SNX10: variants seen among roughly 807,000 people sequenced by gnomAD.
SNX10 encodes sorting nexin-10.
A neutral mutation model predicts 28.5 loss-of-function variants in SNX10; 25 were observed. The observed-to-expected ratio is 0.88, with a 90% CI of 0.64 to 1.22. The LOEUF (loss-of-function observed/expected upper bound fraction) is 1.22. Among genes scored for constraint, SNX10 ranks in the 50% most tolerant of loss-of-function variants. The probability of loss-of-function intolerance (pLI) is 0.00; values close to 1 mark genes in which losing one functional copy is unlikely to be tolerated. For synonymous variants in SNX10, 62 were observed against 81.4 expected (o/e 0.76, Z 1.28); for missense variants, 223 against 242.6 (o/e 0.92, Z 0.54).
chr7:26,356,294 T>C (rs973018535), intron 2 of SNX10, among the ~76,000 whole-genome samples: 1 of 152,198 alleles, frequency 6.6e-6, no homozygotes, highest in Non-Finnish European at 1.5e-5. Flanking sequence ...ATACTACATA[T>C]AGTCATTAGG....
At position 26,319,416 on chromosome 7, in the gene SNX10, C is replaced by T. The variant is rs561963499; in HGVS notation, c.-23-27004C>T. ...TTTTCAGGTCAACTACTGTTTGTTG[C>T]CTTAAATCTATCTGGGAGCTGCTTC... On this transcript the variant is annotated intron_variant, in intron 1 of 6. Coordinates refer to ENST00000338523, the MANE Select transcript of SNX10 (RefSeq NM_013322.3). Among the ~76,000 whole-genome samples the T allele has an allele frequency of 3.3e-5, 5 of 152,254 alleles. No homozygotes were observed. The South Asian group carries it at 1.0e-3, about 32-fold the overall frequency.
At chr7:26,342,083 G>A (rs1341104756) in intron 1 of SNX10, among the ~76,000 whole-genome samples, 2 of 142,356 alleles carry the variant, frequency 1.4e-5, no homozygotes, top group East Asian at 4.2e-4. Context: ...CTGGAGTGCA[G>A]TGGCACGATC....
chr7:26,355,727 T>C (rs2128018192), intron 2 of SNX10, among the ~76,000 whole-genome samples: 1 of 152,276 alleles, frequency 6.6e-6, no homozygotes. Flanking sequence ...TCCAAAACAA[T>C]ACAATTACAG....
chr7:26,335,935 G>T (rs953622939), intron 1 of SNX10, among the ~76,000 whole-genome samples: 48 of 151,458 alleles, frequency 3.2e-4, no homozygotes, highest in African/African-American at 1.1e-3. Flanking sequence ...AGTAGAGACG[G>T]GGTTTCACCG....
At chr7:26,368,918 TC>T (rs1189758237) in intron 5 of SNX10, among the ~76,000 whole-genome samples, 1 of 152,148 alleles carries the variant, frequency 6.6e-6, no homozygotes, top group Non-Finnish European at 1.5e-5. Context: ...ACCCAGGACA[TC>T]CTTAGTTAGG....
rs757992393 is a variant in SNX10 at position 26,346,429 on chromosome 7, G to T, written c.-14G>T. The stretch of plus-strand genomic sequence containing the variant: ...ATATCTTATTTTTCAGATTGATCGT[G>T]TCCTGTGCTGAAGATGTTTCCGGAA... On this transcript the variant is annotated 5_prime_UTR_variant, in exon 2 of 7. Coordinates refer to ENST00000338523, the MANE Select transcript of SNX10 (RefSeq NM_013322.3). 1 of 1,605,910 alleles carries T rather than the reference G, an allele frequency of 6.2e-7. No individual in the cohort carries two copies. Among genetic ancestry groups the T allele is most frequent in the Non-Finnish European group, 8.5e-7 (1 of 1,172,522 alleles).
chr7:26,301,177 G>A (rs1323987071), intron 1 of SNX10, among the ~76,000 whole-genome samples: 1 of 152,144 alleles, frequency 6.6e-6, no homozygotes, highest in Non-Finnish European at 1.5e-5. Flanking sequence ...ACCACACACA[G>A]AGTGTATGTC....
chr7:26,371,669 C>T, intron 5 of SNX10, 152 bp from the exon 6 acceptor site: 1 of 569,558 alleles, frequency 1.8e-6, no homozygotes, highest in South Asian at 2.6e-5. Context: ...CATATGCTTT[C>T]CTCCCCTTAA....
chr7:26,330,658 A>C (rs1029831053), intron 1 of SNX10, among the ~76,000 whole-genome samples: 1 of 152,084 alleles, frequency 6.6e-6, no homozygotes, highest in Non-Finnish European at 1.5e-5. Context: ...TGTTGCTTGG[A>C]GGCCCTTCAG....
chr7:26,299,897 G>C (rs1786269884), intron 1 of SNX10, among the ~76,000 whole-genome samples: 1 of 151,284 alleles, frequency 6.6e-6, no homozygotes, highest in African/African-American at 2.4e-5. Context: ...CCCTGTCTCT[G>C]TTTTCAAAAA....
chr7:26,302,156 A>G (rs115551448), intron 1 of SNX10, among the ~76,000 whole-genome samples: 1,653 of 151,400 alleles, frequency 0.011, 30 homozygotes, highest in African/African-American at 0.038. Context: ...CTCCCTTCCC[A>G]TTTTCCATCT....
chr7:26,315,025 G>C (rs542975841), intron 1 of SNX10, among the ~76,000 whole-genome samples: 2 of 121,268 alleles, frequency 1.6e-5, no homozygotes, highest in Non-Finnish European at 3.6e-5. Context: ...ACCAAGGAAG[G>C]GACTAGAAAG....
chr7:26,348,291 G>A (rs371874618), intron 2 of SNX10, among the ~76,000 whole-genome samples: 5 of 152,054 alleles, frequency 3.3e-5, no homozygotes, highest in Non-Finnish European at 5.9e-5. Flanking sequence ...GGAAATACCC[G>A]CCCATGAAGT....
At chr7:26,319,408 G>T (rs1166909808) in intron 1 of SNX10, among the ~76,000 whole-genome samples, 2 of 152,138 alleles carry the variant, frequency 1.3e-5, no homozygotes, top group Non-Finnish European at 2.9e-5. Context: ...GTCAACTACT[G>T]TTTGTTGCCT....
At chr7:26,357,345 AAG>A (rs1491070912) in intron 2 of SNX10, among the ~76,000 whole-genome samples, 1 of 151,602 alleles carries the variant, frequency 6.6e-6, no homozygotes, top group African/African-American at 2.4e-5. Context: ...AAAAAAAAAA[AAG>A]GCAGTAGGGT....
intron 1 of SNX10, among the ~76,000 whole-genome samples, chr7:26,308,898 T>C (rs1391160530): frequency 1.3e-5 from 2 of 152,162 alleles, no homozygotes; most frequent in Middle Eastern, 3.2e-3. Flanking sequence ...GACACCCAGC[T>C]GGTATCTACT....
rs115842813 is a variant in SNX10, at chr7:26,361,804, A to G, written c.111+743A>G. ...CATAATTGTATTCCAATAAAACTTT[A>G]TGTGCAAAGACAGGTGTCAGACCAG... On this transcript the variant is annotated intron_variant, in intron 3 of 6. Transcript: ENST00000338523. Among the ~76,000 whole-genome samples the G allele has an allele frequency of 5.7e-3, 862 of 152,362 alleles. 8 individuals carry two copies. The highest frequency in any genetic ancestry group is 0.019 in the African/African-American group (798 of 41,594).
At chr7:26,305,145 GCTC>G (rs1786534949) in intron 1 of SNX10, among the ~76,000 whole-genome samples, 1 of 152,122 alleles carries the variant, frequency 6.6e-6, no homozygotes, top group Admixed American at 6.6e-5. Context: ...CCCCTGTGGG[GCTC>G]CTGATCTTGC....
At chr7:26,360,917 C>T (rs777760400) in intron 2 of SNX10, 58 bp from the exon 3 acceptor site, 17 of 1,511,084 alleles carry the variant, frequency 1.1e-5, no homozygotes, top group Middle Eastern at 1.8e-4. Context: ...TTGTTCAGTT[C>T]TTTCCAGTCC....
Sources: allele counts gnomAD v4.1 joint callset (sites outside exome capture counted in the v4.1 genomes callset), GRCh38; gene constraint gnomAD v4.1.1; transcripts MANE v1.5; gene names NCBI Gene and HGNC (gene_info 2026-07-23, HGNC 2026-07-21).